NT5E: variants seen among roughly 807,000 people sequenced by gnomAD.
The protein encoded by NT5E is 5'-nucleotidase ecto.
Under a neutral mutation model 55.1 loss-of-function variants are expected in NT5E, and 53 were observed. That is an observed-to-expected ratio of 0.96 (90% CI 0.77 to 1.21). The LOEUF (loss-of-function observed/expected upper bound fraction) is 1.21. Among genes scored for constraint, NT5E ranks in the 50% most tolerant of loss-of-function variants. NT5E has a pLI of 0.00. For missense variants in NT5E, 683 were observed against 724.3 expected (o/e 0.94, Z 0.65); for synonymous variants, 270 against 278.4 (o/e 0.97, Z 0.30).
chr6:85,485,584 A>G (rs1769636968), intron 4 of NT5E, 152 bp downstream of exon 4: 1 of 789,386 alleles, frequency 1.3e-6, no homozygotes, highest in South Asian at 1.5e-5. Flanking sequence ...CTCTTCATGG[A>G]TAGATTTAAA....
chr6:85,489,804 G>C (rs1270880668), intron 6 of NT5E, among the ~76,000 whole-genome samples: 3 of 152,152 alleles, frequency 2.0e-5, no homozygotes, highest in Non-Finnish European at 4.4e-5. Context: ...AAGCTTGTGT[G>C]TTCTTATATG....
rs752982012 is a variant in NT5E at position 85,450,436 on chromosome 6, C to T, written c.297C>T (p.Ala99=). 6.2e-7 allele frequency: 1 copy of T among 1,602,128 alleles called. No homozygotes were observed. The highest frequency in any genetic ancestry group is 2.3e-5 in the East Asian group (1 of 44,434). The change falls in exon 1 of 9, where the codon GCC becomes GCT. Residue 99 remains alanine (A), a synonymous_variant. Coordinates refer to ENST00000257770, the MANE Select transcript of NT5E (RefSeq NM_002526.4). The surrounding 1 kb of genome is among the most constrained non-coding windows in gnomAD (Gnocchi z 4.0). The part of the protein sequence containing the change: ...GTIWFTVYKG[A]EVAHFMNALR... ...TCTGGTTCACCGTGTACAAGGGCGCCGAGGTGGCGCACTTCATGAACGCCC... is the reference window on the plus strand; with the variant it reads ...TCTGGTTCACCGTGTACAAGGGCGCTGAGGTGGCGCACTTCATGAACGCCC...
intron 3 of NT5E, among the ~76,000 whole-genome samples, chr6:85,484,198 T>A (rs967155068): frequency 6.6e-6 from 1 of 152,130 alleles, no homozygotes; most frequent in African/African-American, 2.4e-5. Context: ...GCCATGGGTG[T>A]GATGAGGGAG....
chr6:85,451,286 T>C (rs899829956), intron 1 of NT5E, among the ~76,000 whole-genome samples: 1 of 152,052 alleles, frequency 6.6e-6, no homozygotes. Context: ...TGGAAAGACT[T>C]GGGTTTCAAA....
intron 4 of NT5E, among the ~76,000 whole-genome samples, chr6:85,485,976 C>A (rs746404244): frequency 2.2e-4 from 33 of 152,198 alleles, no homozygotes; most frequent in Non-Finnish European, 3.5e-4. Flanking sequence ...TAGACACACA[C>A]AAGATAGTGA....
intron 4 of NT5E, among the ~76,000 whole-genome samples, chr6:85,485,799 G>T (rs1769642407): frequency 6.6e-6 from 1 of 152,228 alleles, no homozygotes; most frequent in Admixed American, 6.5e-5. Context: ...CCAACTAGAG[G>T]CAGTGTGCCT....
chr6:85,459,657 A>G (rs1048230019), intron 1 of NT5E, among the ~76,000 whole-genome samples: 7 of 152,206 alleles, frequency 4.6e-5, no homozygotes, highest in Middle Eastern at 3.2e-3. Context: ...AAACCAAATG[A>G]AAATGTGAAG....
chr6:85,452,018 G>A (rs1768870045), intron 1 of NT5E, among the ~76,000 whole-genome samples: 1 of 152,178 alleles, frequency 6.6e-6, no homozygotes, highest in Non-Finnish European at 1.5e-5. Flanking sequence ...TTGATGAGGT[G>A]GGGCTCACAC....
At chr6:85,481,408 A>G (rs1769548519) in intron 3 of NT5E, among the ~76,000 whole-genome samples, 1 of 152,202 alleles carries the variant, frequency 6.6e-6, no homozygotes, top group Non-Finnish European at 1.5e-5. Flanking sequence ...TAGGGCCAAG[A>G]TCAGAAAGAT....
At chr6:85,485,687 T>C (rs954022052) in intron 4 of NT5E, among the ~76,000 whole-genome samples, 2 of 152,212 alleles carry the variant, frequency 1.3e-5, no homozygotes, top group African/African-American at 4.8e-5. Context: ...TTTAAAATCT[T>C]GATCCTGACA....
intron 1 of NT5E, among the ~76,000 whole-genome samples, chr6:85,453,543 C>T (rs1003465404): frequency 1.3e-5 from 2 of 152,200 alleles, no homozygotes; most frequent in African/African-American, 4.8e-5. Flanking sequence ...TATGAAATCT[C>T]CCCACAGCAC....
chr6:85,476,573 A>G (rs1769441515), intron 3 of NT5E, among the ~76,000 whole-genome samples: 1 of 152,210 alleles, frequency 6.6e-6, no homozygotes, highest in Admixed American at 6.5e-5. Flanking sequence ...TTAACAGCTC[A>G]GTGTGACAGC....
chr6:85,473,004 T>C (rs756078957), intron 3 of NT5E, among the ~76,000 whole-genome samples: 6 of 152,170 alleles, frequency 3.9e-5, no homozygotes, highest in Non-Finnish European at 8.8e-5. Context: ...GTATATAAGA[T>C]GTCAAGAACA....
chr6:85,456,960 G>A (rs1769003175), intron 1 of NT5E, among the ~76,000 whole-genome samples: 1 of 152,188 alleles, frequency 6.6e-6, no homozygotes, highest in South Asian at 2.1e-4. Flanking sequence ...ACAAGAGATA[G>A]TAGTGCACAT....
chr6:85,462,433 C>T (rs950572547), intron 1 of NT5E, among the ~76,000 whole-genome samples: 1 of 152,074 alleles, frequency 6.6e-6, no homozygotes, highest in African/African-American at 2.4e-5. Context: ...CCAGGAGCAC[C>T]AAATCACCTG....
intron 3 of NT5E, among the ~76,000 whole-genome samples, chr6:85,474,524 A>G (rs1200640540): frequency 6.6e-6 from 1 of 152,222 alleles, no homozygotes; most frequent in East Asian, 1.9e-4. Flanking sequence ...GAAAACTGAG[A>G]TAACTAATAC....
In NT5E at chr6:85,453,195, C is replaced by T. The variant is rs114377215; in HGVS notation, c.339+2717C>T. Among the ~76,000 whole-genome samples, 635 of 152,242 alleles carry T rather than the reference C, an allele frequency of 4.2e-3. 5 individuals carry two copies. Among genetic ancestry groups the T allele is most frequent in the African/African-American group, 0.014 (600 of 41,530 alleles). ...GGAAGGACTGTTGTCCCCTGAGGCA[C>T]GAGGAAGACAGCATGGAAGCACTGA... On this transcript the variant is annotated intron_variant, in intron 1 of 8. Coordinates refer to ENST00000257770, the MANE Select transcript of NT5E (RefSeq NM_002526.4).
In NT5E at chr6:85,493,124, C is replaced by T. The variant is rs999365666; in HGVS notation, c.1562-717C>T. On this transcript the variant is annotated intron_variant, in intron 8 of 8. Transcript: ENST00000257770. The stretch of plus-strand genomic sequence containing the variant: ...GCAGAAGGCTAAGGAAGCCCTGGAC[C>T]TAAGCGTTCTCAACACTGGTTATAC... Among the ~76,000 whole-genome samples the T allele has an allele frequency of 2.6e-5, 4 of 152,160 alleles. No homozygotes were observed. The East Asian group carries it at 5.8e-4, about 22-fold the overall frequency.
At chr6:85,475,113 TAC>T (rs1333307196) in intron 3 of NT5E, among the ~76,000 whole-genome samples, 1 of 152,162 alleles carries the variant, frequency 6.6e-6, no homozygotes, top group African/African-American at 2.4e-5. Flanking sequence ...TTAATAAAAA[TAC>T]AGTTAAAATA....
Sources: allele counts gnomAD v4.1 joint callset (sites outside exome capture counted in the v4.1 genomes callset), GRCh38; gene constraint gnomAD v4.1.1; non-coding constraint Gnocchi (gnomAD v3.1); transcripts MANE v1.5; gene names NCBI Gene and HGNC (gene_info 2026-07-23, HGNC 2026-07-21).